The following P4HTM variants were observed in gnomAD, a reference collection of about 807,000 sequenced individuals.
The protein encoded by P4HTM is transmembrane prolyl 4-hydroxylase.
P4HTM carries 33 observed loss-of-function variants against 55.3 expected under a neutral mutation model. The observed-to-expected ratio is 0.60, with a 90% CI of 0.45 to 0.80. The LOEUF is 0.80. Ranked by LOEUF, P4HTM falls within the 30% of genes least tolerant of loss-of-function variation. The pLI is 0.00. For missense variants in P4HTM, 542 were observed against 696.5 expected (o/e 0.78, Z 2.50); for synonymous variants, 272 against 286.4 (o/e 0.95, Z 0.51).
chr3:49,001,747 G>C, intron 3 of P4HTM, 119 bp downstream of exon 3: 1 of 843,988 alleles, frequency 1.2e-6, no homozygotes, highest in South Asian at 1.7e-5. Context: ...ACCCAGACCT[G>C]CCTGGGCATG....
In P4HTM at chr3:49,004,088, C is replaced by T; in HGVS notation, c.725-10C>T. ...GCTTGGTGGGCATTGATGGTGGGTG[C>T]CCTGTGCAGGAGTGCTGAGTCTGCA... On this transcript the variant is annotated splice_polypyrimidine_tract_variant and intron_variant, in intron 4 of 8. Coordinates refer to ENST00000383729, the MANE Select transcript of P4HTM (RefSeq NM_177939.3). 6.4e-7 allele frequency: 1 copy of T among 1,552,774 alleles called. No homozygotes were observed. Among genetic ancestry groups the T allele is most frequent in the Non-Finnish European group, 8.7e-7 (1 of 1,148,568 alleles).
At chr3:49,005,895 G>A (rs370756569) in intron 7 of P4HTM, 28 bp downstream of exon 7, 227 of 1,533,072 alleles carry the variant, frequency 1.5e-4, no homozygotes, top group Admixed American at 5.2e-4. Flanking sequence ...TATTACTCTT[G>A]TGGGCTGGCA....
Position 48,999,972 on chromosome 3 carries a change from G to T in P4HTM, c.437-1466G>T, listed in dbSNP as rs1559890283. Among the ~76,000 whole-genome samples the T allele has an allele frequency of 6.6e-6, 1 of 152,160 alleles. No individual in the cohort carries two copies. Among genetic ancestry groups the T allele is most frequent in the Non-Finnish European group, 1.5e-5 (1 of 68,020 alleles). ...ACGGGATCATGCAGGCCAAGAGTGG[G>T]GGCCTTTGTCCTATCCTCAGTGTTA... is the stretch of plus-strand genomic sequence containing the variant. On this transcript the variant is annotated intron_variant, in intron 2 of 8. Coordinates refer to ENST00000383729, the MANE Select transcript of P4HTM (RefSeq NM_177939.3). This position sits in a 1 kb window ranked among gnomAD's most constrained non-coding sequence, Gnocchi z 4.8.
At chr3:49,006,581 A>G in intron 8 of P4HTM, 106 bp from the exon 9 acceptor site, 1 of 870,140 alleles carries the variant, frequency 1.1e-6, no homozygotes, top group Middle Eastern at 2.7e-4. Flanking sequence ...GGTGTTTGCT[A>G]CACAAGGAAT....
Position 48,990,913 on chromosome 3 carries a change from CG to C in P4HTM, c.436+1del. On this transcript the variant is annotated frameshift_variant and splice_region_variant, in exon 2 of 9. Coordinates refer to ENST00000383729, the MANE Select transcript of P4HTM (RefSeq NM_177939.3). LOFTEE classifies it high-confidence loss of function. This position sits in a 1 kb window ranked among gnomAD's most constrained non-coding sequence, Gnocchi z 7.2. ...CCCTCAGCCTCAAGCCGCTGCTCTT[CG>C]GTAAGTCCGCCAGATACTCCTGGGA... ...RTLSLKPLLFEIPGFLTDEEC... is the reference protein window; with the variant it reads ...RTLSLKPLLFXIPGFLTDEEC... 1 of 1,612,954 alleles carries C rather than the reference CG, an allele frequency of 6.2e-7. No homozygotes were observed. Among genetic ancestry groups the C allele is most frequent in the Non-Finnish European group, 8.5e-7 (1 of 1,179,162 alleles).
At position 49,001,425 on chromosome 3, in the gene P4HTM, C is replaced by T; in HGVS notation, c.437-13C>T. The T allele has an allele frequency of 4.3e-6, 7 of 1,613,562 alleles. No individual in the cohort carries two copies. Among genetic ancestry groups the T allele is most frequent in the Non-Finnish European group, 5.1e-6 (6 of 1,179,972 alleles). ...GCTCAGTCCTTGGCCTCACCCACCT[C>T]CTCTTCTGGCAGAAATCCCCGGCTT... On this transcript the variant is annotated splice_polypyrimidine_tract_variant and intron_variant, in intron 2 of 8. Transcript: ENST00000383729.
At position 49,005,820 on chromosome 3, in the gene P4HTM, G is replaced by C. The variant is rs748139415; in HGVS notation, c.1117G>C (p.Gly373Arg). The C allele has an allele frequency of 6.3e-7, 1 of 1,585,446 alleles. No individual in the cohort carries two copies. Among genetic ancestry groups the C allele is most frequent in the Non-Finnish European group, 8.6e-7 (1 of 1,167,026 alleles). ...TTATTTGAACAACGTCACTGGTGGG[G>C]GCGAGACTGTTTTCCCTGTAGCAGA... ...LFYLNNVTGGGETVFPVADNR... is the reference protein window; with the variant it reads ...LFYLNNVTGGRETVFPVADNR... The change falls in exon 7 of 9, where the codon GGC becomes CGC. Residue 373 changes from glycine to arginine, a missense_variant. Transcript: ENST00000383729.
Position 49,002,697 on chromosome 3 carries a change from C to T in P4HTM, c.724+101C>T, listed in dbSNP as rs917258224. On this transcript the variant is annotated intron_variant, in intron 4 of 8. Transcript: ENST00000383729. The surrounding 1 kb of genome is among the most constrained non-coding windows in gnomAD (Gnocchi z 4.4). ...GGGCCCTTCCCCCACAGCCAGGCAG[C>T]CTCTCTGCACCCCTTTATAGTGGCC... 1.2e-6 allele frequency: 1 copy of T among 846,494 alleles called. No individual in the cohort carries two copies. 52.4% of individuals were successfully genotyped at this position (846,494 alleles called of 1,614,324 possible).
In P4HTM at chr3:49,005,032, C is replaced by T. The variant is rs749496297; in HGVS notation, c.1059C>T (p.Phe353=). The T allele has an allele frequency of 1.1e-5, 17 of 1,614,074 alleles. No individual in the cohort carries two copies. Among genetic ancestry groups the T allele is most frequent in the South Asian group, 3.3e-5 (3 of 91,092 alleles). ...TGGTAGCCAACGAGTCTGTACCCTTCGAGACCTCCTGCCGGCAAGTATCTC... is the reference window on the plus strand; with the variant it reads ...TGGTAGCCAACGAGTCTGTACCCTTTGAGACCTCCTGCCGGCAAGTATCTC... ...TKLVANESVP[F]ETSCRYMTVL... The change falls in exon 6 of 9, where the codon TTC becomes TTT. Residue 353 remains phenylalanine (F), a synonymous_variant. Coordinates refer to ENST00000383729, the MANE Select transcript of P4HTM (RefSeq NM_177939.3).
chr3:49,006,827 C>T lies in P4HTM; in HGVS notation c.1429C>T (p.Leu477Phe). 1 of 1,613,380 alleles carries T rather than the reference C, an allele frequency of 6.2e-7. No homozygotes were observed. The highest frequency in any genetic ancestry group is 8.5e-7 in the Non-Finnish European group (1 of 1,180,018). The change falls in exon 9 of 9, where the codon CTT (leucine) becomes TTT (phenylalanine). Residue 477 changes from leucine (L) to phenylalanine (F), a missense_variant. Coordinates refer to ENST00000383729, the MANE Select transcript of P4HTM (RefSeq NM_177939.3). ...QALFQQEMAR[L>F]AREGGTDSQP... The stretch of plus-strand genomic sequence containing the variant: ...GCTGTTCCAACAGGAGATGGCCCGC[C>T]TTGCCCGAGAAGGGGGCACCGACTC...
chr3:49,006,401 G>A (rs2092981528), intron 8 of P4HTM, among the ~76,000 whole-genome samples: 1 of 152,216 alleles, frequency 6.6e-6, no homozygotes, highest in Non-Finnish European at 1.5e-5. Context: ...ATTCCCTGAT[G>A]CCCCAGCCTT....
In P4HTM at chr3:48,990,594, G is replaced by A. The variant is rs556432721; in HGVS notation, c.338G>A (p.Arg113Gln). The A allele has an allele frequency of 6.3e-6, 10 of 1,593,998 alleles. No individual in the cohort carries two copies. Among genetic ancestry groups the A allele is most frequent in the South Asian group, 1.1e-5 (1 of 88,928 alleles). ...GAGCCCACCTTAGGTCCCCTCACCCGGCTGGAGGGCATCAAGGTGAGGACC... is the reference window on the plus strand; with the variant it reads ...GAGCCCACCTTAGGTCCCCTCACCCAGCTGGAGGGCATCAAGGTGAGGACC... ...GPEPTLGPLT[R>Q]LEGIKVGHER... The change falls in exon 1 of 9, where the codon CGG becomes CAG. Residue 113 changes from arginine to glutamine, a missense_variant. Around this residue, in one of 2 missense-constraint regions of P4HTM, gnomAD observed 536 missense variants for 672.1 expected, o/e 0.80. Coordinates refer to ENST00000383729, the MANE Select transcript of P4HTM (RefSeq NM_177939.3). The surrounding 1 kb of genome is among the most constrained non-coding windows in gnomAD (Gnocchi z 7.2).
At chr3:49,005,724 C>G (rs758665094) in intron 6 of P4HTM, 53 bp from the exon 7 acceptor site, 1 of 1,549,882 alleles carries the variant, frequency 6.5e-7, no homozygotes, top group South Asian at 1.3e-5. Flanking sequence ...ACAGGTAAGC[C>G]CCTGGGAGCA....
Position 49,004,936 on chromosome 3 carries a change from G to A in P4HTM, c.963G>A (p.Glu321=), listed in dbSNP as rs769128839. ...SEPLQVVRYG[E]GGHYHAHVDS... is the part of the protein sequence containing the mutation. ...CGCTGCAGGTTGTTCGATATGGTGA[G>A]GGGGGCCACTACCATGCCCACGTGG... Residue 321 remains glutamate (E), a synonymous_variant, in exon 6 of 9, where the codon GAG becomes GAA. Coordinates refer to ENST00000383729, the MANE Select transcript of P4HTM (RefSeq NM_177939.3). 3.1e-6 allele frequency: 5 copies of A among 1,613,784 alleles called. No homozygotes were observed. Among genetic ancestry groups the A allele is most frequent in the Non-Finnish European group, 4.2e-6 (5 of 1,179,914 alleles).
At chr3:49,000,644 G>T (rs1019588240) in intron 2 of P4HTM, among the ~76,000 whole-genome samples, 8 of 152,206 alleles carry the variant, frequency 5.3e-5, no homozygotes, top group Admixed American at 4.6e-4. Flanking sequence ...CTACCAGAAT[G>T]TGGGCTCCCT....
intron 2 of P4HTM, among the ~76,000 whole-genome samples, chr3:48,994,316 C>T (rs1462149548): frequency 3.3e-5 from 5 of 152,162 alleles, no homozygotes; most frequent in African/African-American, 9.7e-5. Flanking sequence ...CTTCAGGGAC[C>T]CAAGATACCT....
rs1047730722 is a variant in P4HTM at position 48,999,948 on chromosome 3, C to T, written c.437-1490C>T. The stretch of plus-strand genomic sequence containing the variant: ...ACCCTTTCTGGGTTTGCTGGGGTCA[C>T]GGGATCATGCAGGCCAAGAGTGGGG... On this transcript the variant is annotated intron_variant, in intron 2 of 8. Transcript: ENST00000383729. The surrounding 1 kb of genome is among the most constrained non-coding windows in gnomAD (Gnocchi z 4.8). 2.0e-5 allele frequency among the ~76,000 whole-genome samples: 3 copies of T among 152,162 alleles called. No homozygotes were observed. Among genetic ancestry groups the T allele is most frequent in the South Asian group, 2.1e-4 (1 of 4,836 alleles).
intron 3 of P4HTM, among the ~76,000 whole-genome samples, 191 bp downstream of exon 3, chr3:49,001,819 AGAT>A (rs2092962081): frequency 6.6e-6 from 1 of 152,224 alleles, no homozygotes; most frequent in South Asian, 2.1e-4. Context: ...GAACCTCAGA[AGAT>A]GGCAGGAGAA....
rs142370019 is a variant in P4HTM, at chr3:48,998,744, A to G, written c.437-2694A>G. Among the ~76,000 whole-genome samples the G allele has an allele frequency of 2.8e-3, 433 of 152,304 alleles. 3 individuals carry two copies. Among genetic ancestry groups the G allele is most frequent in the African/African-American group, 9.7e-3 (402 of 41,572 alleles). Reference sequence around the variant, plus strand: ...ACCGCAGCCAGGGCTGGGGTTGGCAAACAGTTCAAGGGCTTGATCCTGAGT... The same window carrying G: ...ACCGCAGCCAGGGCTGGGGTTGGCAGACAGTTCAAGGGCTTGATCCTGAGT... On this transcript the variant is annotated intron_variant, in intron 2 of 8. Transcript: ENST00000383729.
Sources: allele counts gnomAD v4.1 joint callset (sites outside exome capture counted in the v4.1 genomes callset), GRCh38; gene constraint gnomAD v4.1.1; regional missense constraint gnomAD v4.1.1; non-coding constraint Gnocchi (gnomAD v3.1); transcripts MANE v1.5; gene names NCBI Gene and HGNC (gene_info 2026-07-23, HGNC 2026-07-21).